GABPB2: variants seen among roughly 807,000 people sequenced by gnomAD.
GABPB2 encodes GA binding protein transcription factor subunit beta 2.
Under a neutral mutation model 39.1 loss-of-function variants are expected in GABPB2, and 23 were observed. The observed-to-expected ratio is 0.59, with a 90% CI of 0.42 to 0.83. The LOEUF is 0.83. Ranked by LOEUF, GABPB2 falls within the 40% of genes least tolerant of loss-of-function variation. GABPB2 has a pLI of 0.00. For missense variants in GABPB2, 467 were observed against 541.1 expected, an observed-to-expected ratio of 0.86 and a Z score of 1.36; for synonymous variants, 184 against 199.3, an observed-to-expected ratio of 0.92 and a Z score of 0.65.
At chr1:151,095,985 C>G (rs1284737722) in intron 4 of GABPB2, among the ~76,000 whole-genome samples, 1 of 147,500 alleles carries the variant, frequency 6.8e-6, no homozygotes, top group East Asian at 2.0e-4. Flanking sequence ...GTGAGCTGAG[C>G]TGAGATCGTG....
At chr1:151,076,022 T>C (rs960997092) in intron 1 of GABPB2, among the ~76,000 whole-genome samples, 1 of 152,116 alleles carries the variant, frequency 6.6e-6, no homozygotes, top group African/African-American at 2.4e-5. Flanking sequence ...TCAGAAAGCA[T>C]CAGTATGGTG....
chr1:151,094,601 G>A lies in GABPB2; in HGVS notation c.471+1215G>A, dbSNP rs587642552. On this transcript the variant is annotated intron_variant, in intron 4 of 8. Coordinates refer to ENST00000368918, the MANE Select transcript of GABPB2 (RefSeq NM_144618.3). ...TGACCTCAGGTGATCCGCCTGCCTC[G>A]GCCTCCCAAAGTGCTGGGATTACAG... 3.2e-3 allele frequency among the ~76,000 whole-genome samples: 486 copies of A among 150,206 alleles called. 2 individuals carry two copies. The highest frequency in any genetic ancestry group is 8.3e-3 in the South Asian group (39 of 4,692).
At chr1:151,117,623 G>A (rs1428399769) in intron 8 of GABPB2, 107 bp downstream of exon 8, 15 of 1,245,990 alleles carry the variant, frequency 1.2e-5, no homozygotes, top group Non-Finnish European at 1.6e-5. Context: ...TTGCTGTGTT[G>A]CCCAGGCTGG....
chr1:151,092,231 G>C (rs796474281), intron 3 of GABPB2, among the ~76,000 whole-genome samples: 1 of 147,062 alleles, frequency 6.8e-6, no homozygotes, highest in South Asian at 2.2e-4. Context: ...CTCAGCCTCC[G>C]GAGTAGCTGG....
intron 1 of GABPB2, among the ~76,000 whole-genome samples, chr1:151,072,791 G>A (rs2102988455): frequency 6.6e-6 from 1 of 152,328 alleles, no homozygotes; most frequent in Admixed American, 6.5e-5. Flanking sequence ...AGGTTGCAGT[G>A]AGACAAGATC....
intron 6 of GABPB2, among the ~76,000 whole-genome samples, chr1:151,105,268 G>C (rs1558151973): frequency 6.6e-6 from 1 of 151,706 alleles, no homozygotes; most frequent in Non-Finnish European, 1.5e-5. Context: ...ATAGTGCTTA[G>C]TTTATTGGGA....
chr1:151,112,487 G>A (rs748685839), intron 7 of GABPB2, among the ~76,000 whole-genome samples: 7 of 151,402 alleles, frequency 4.6e-5, no homozygotes, highest in African/African-American at 7.3e-5. Context: ...AATTATAGGC[G>A]TTTCCCACCA....
chr1:151,091,032 AC>A lies in GABPB2; in HGVS notation c.276+460del, dbSNP rs1355062538. On this transcript the variant is annotated intron_variant, in intron 3 of 8. Transcript: ENST00000368918. Reference sequence around the variant, plus strand: ...CAAAACAAAACAAAAAAACAAAAAAACAAAAAAAAAAACCTTCATGGCTATG... The same window carrying A: ...CAAAACAAAACAAAAAAACAAAAAAAAAAAAAAAAAACCTTCATGGCTATG... 3.3e-3 allele frequency among the ~76,000 whole-genome samples: 492 copies of A among 151,026 alleles called. 2 individuals are homozygous for A. Among genetic ancestry groups the A allele is most frequent in the South Asian group, 8.3e-3 (40 of 4,806 alleles).
At chr1:151,109,357 TA>T (rs1680216079) in intron 7 of GABPB2, among the ~76,000 whole-genome samples, 1 of 35,270 alleles carries the variant, frequency 2.8e-5, no homozygotes, top group African/African-American at 1.3e-4. Context: ...TATATATATA[TA>T]TATATATTTT....
rs150141016 is a variant in GABPB2, at chr1:151,118,095, C to T, written c.1186C>T (p.Gln396Ter). ...RLKLEAIARQ[Q>*]PNGVDFTMVE... Reference sequence around the variant, plus strand: ...TAAGCTGGAGGCCATAGCCCGACAGCAGCCCAATGGAGTTGATTTCACCAT... The same window carrying T: ...TAAGCTGGAGGCCATAGCCCGACAGTAGCCCAATGGAGTTGATTTCACCAT... Residue 396 changes from glutamine (Q) to a stop codon, truncating the protein, a stop_gained, in exon 9 of 9, where the codon CAG becomes TAG. Transcript: ENST00000368918. LOFTEE classifies it low-confidence loss of function (END_TRUNC). 1 of 1,614,180 alleles carries T rather than the reference C, an allele frequency of 6.2e-7. No individual in the cohort carries two copies. Among genetic ancestry groups the T allele is most frequent in the East Asian group, 2.2e-5 (1 of 44,884 alleles).
At chr1:151,104,802 T>TTTTTCTTTCTTTC (rs1553266368) in intron 6 of GABPB2, among the ~76,000 whole-genome samples, 8 of 139,360 alleles carry the variant, frequency 5.7e-5, no homozygotes, top group Non-Finnish European at 1.1e-4. Context: ...TCTTTCTTTC[T>TTTTTCTTTCTTTC]TTTCTTTCTT....
intron 5 of GABPB2, 39 bp from the exon 6 acceptor site, chr1:151,103,523 C>T: frequency 7.3e-7 from 1 of 1,363,772 alleles, no homozygotes. Flanking sequence ...TCAATTTTTT[C>T]TCTACATTGG....
chr1:151,121,716 G>A lies in GABPB2; in HGVS notation c.*3460G>A, dbSNP rs988038529. On this transcript the variant is annotated 3_prime_UTR_variant, in exon 9 of 9. Transcript: ENST00000368918. ...ACCTCCCAAAGTGCTGGGATTATAG[G>A]CGTGAGCCACTGCGCCTGACCACCT... 6.6e-6 allele frequency: 1 copy of A among 152,116 alleles called. No homozygotes were observed. Among genetic ancestry groups the A allele is most frequent in the African/African-American group, 2.4e-5 (1 of 41,408 alleles). 9.4% of individuals were successfully genotyped at this position (152,116 alleles called of 1,614,324 possible). A position where few individuals can be genotyped will look rare whatever the true frequency, so the allele number is the denominator to read the frequency against.
At chr1:151,116,605 T>G (rs948646631) in intron 7 of GABPB2, among the ~76,000 whole-genome samples, 19 of 152,084 alleles carry the variant, frequency 1.2e-4, no homozygotes, top group Non-Finnish European at 2.5e-4. Context: ...CTGCAGTTTT[T>G]TTTGTTTGTT....
Position 151,118,088 on chromosome 1 carries a change from C to G in GABPB2, c.1179C>G (p.Ala393=). The G allele has an allele frequency of 6.2e-7, 1 of 1,614,130 alleles. No homozygotes were observed. The stretch of plus-strand genomic sequence containing the variant: ...ACCGTCTTAAGCTGGAGGCCATAGC[C>G]CGACAGCAGCCCAATGGAGTTGATT... The part of the protein sequence containing the change: ...EQYRLKLEAI[A]RQQPNGVDFT... Residue 393 remains alanine (A), a synonymous_variant, in exon 9 of 9, where the codon GCC becomes GCG. Transcript: ENST00000368918.
intron 4 of GABPB2, among the ~76,000 whole-genome samples, chr1:151,096,404 GACTCCGTCTCAAAAAAAAATAAAA>G (rs1679099963): frequency 6.6e-6 from 1 of 151,966 alleles, no homozygotes; most frequent in Non-Finnish European, 1.5e-5. Flanking sequence ...GACAGAGTGG[GACTCCGTCTCAAAAAAAAATAAAA>G]AGAGAGAGAG....
At position 151,103,658 on chromosome 1, in the gene GABPB2, ACT is replaced by A. The variant is rs1679714750; in HGVS notation, c.721_722del (p.Ser241ThrfsTer17). The A allele has an allele frequency of 6.2e-7, 1 of 1,612,674 alleles. No homozygotes were observed. Among genetic ancestry groups the A allele is most frequent in the Non-Finnish European group, 8.5e-7 (1 of 1,178,782 alleles). On this transcript the variant is annotated frameshift_variant, in exon 6 of 9. Coordinates refer to ENST00000368918, the MANE Select transcript of GABPB2 (RefSeq NM_144618.3). LOFTEE classifies it high-confidence loss of function. Reference sequence around the variant, plus strand: ...GCTGAGGCATCAGTCCCCCTCTCCAACTCACACAGAGCCACAGGTAGGTAAGG... The same window carrying A: ...GCTGAGGCATCAGTCCCCCTCTCCAACACACAGAGCCACAGGTAGGTAAGG...
Position 151,098,132 on chromosome 1 carries a change from A to G in GABPB2, c.622+130A>G, listed in dbSNP as rs1160046498. ...ATATTGCCAAAGCAGAAGATTTGTA[A>G]TAGATTTTAAAGCTGAGGTACTTAT... On this transcript the variant is annotated intron_variant, in intron 5 of 8. Coordinates refer to ENST00000368918, the MANE Select transcript of GABPB2 (RefSeq NM_144618.3). 3 of 769,484 alleles carry G rather than the reference A, an allele frequency of 3.9e-6. No individual in the cohort carries two copies. In the African/African-American group the frequency reaches 5.3e-5, roughly 14 times the overall value. 47.7% of individuals were successfully genotyped at this position (769,484 alleles called of 1,614,324 possible).
At chr1:151,103,225 A>G (rs887070119) in intron 5 of GABPB2, among the ~76,000 whole-genome samples, 4 of 150,848 alleles carry the variant, frequency 2.7e-5, no homozygotes, top group African/African-American at 4.9e-5. Context: ...AATTTTTTGT[A>G]TTTTTAGTAG....
Sources: gnomAD v4.1 joint callset for allele counts (sites outside exome capture counted in the v4.1 genomes callset) on GRCh38, gnomAD v4.1.1 for gene constraint, MANE v1.5 for transcripts, NCBI Gene and HGNC (gene_info 2026-07-23, HGNC 2026-07-21) for gene names.